SUMF1: variants seen among roughly 807,000 people sequenced by gnomAD.
The protein encoded by SUMF1 is sulfatase modifying factor 1.
A neutral mutation model predicts 47.6 loss-of-function variants in SUMF1; 48 were observed. The observed-to-expected ratio is 1.01, with a 90% CI of 0.80 to 1.28. SUMF1 has a LOEUF of 1.28. Ranked by LOEUF, SUMF1 falls within the 50% of genes most tolerant of loss-of-function variation. SUMF1 has a pLI of 0.00. For missense variants in SUMF1, 571 were observed against 485.4 expected (o/e 1.18, Z -1.66); for synonymous variants, 230 against 192.1 (o/e 1.20, Z -1.63).
At chr3:4,182,680 T>A (rs1048664484) in intron 8 of SUMF1, among the ~76,000 whole-genome samples, 1 of 152,070 alleles carries the variant, frequency 6.6e-6, no homozygotes, top group East Asian at 1.9e-4. Context: ...ATAATGCAAA[T>A]TTCAGGCATG....
chr3:4,115,837 A>C (rs779996495), intron 8 of SUMF1, among the ~76,000 whole-genome samples: 29 of 152,182 alleles, frequency 1.9e-4, no homozygotes, highest in Non-Finnish European at 3.2e-4. Context: ...AAAACATAAA[A>C]AATCTATTTT....
intron 8 of SUMF1, among the ~76,000 whole-genome samples, chr3:4,131,145 C>T (rs1056387943): frequency 6.6e-6 from 1 of 152,130 alleles, no homozygotes; most frequent in Non-Finnish European, 1.5e-5. Flanking sequence ...ACCTGAACTG[C>T]CTATCATGAA....
intron 9 of SUMF1, among the ~76,000 whole-genome samples, chr3:4,050,675 G>A (rs1165987554): frequency 1.1e-4 from 16 of 149,522 alleles, no homozygotes; most frequent in Non-Finnish European, 2.1e-4. Context: ...CCTGGGAGGT[G>A]GAGGCTGCAG....
At chr3:4,346,273 T>G (rs1171555511) in intron 8 of SUMF1, among the ~76,000 whole-genome samples, 5 of 152,098 alleles carry the variant, frequency 3.3e-5, no homozygotes, top group Non-Finnish European at 5.9e-5. Context: ...GCCACATAAT[T>G]GGAAGTAAAA....
rs563402982 is a variant in SUMF1, at chr3:4,308,664, C to G, written c.1014+67666G>C. 6.6e-5 allele frequency among the ~76,000 whole-genome samples: 10 copies of G among 152,314 alleles called. No homozygotes were observed. The East Asian group carries it at 9.6e-4, about 15-fold the overall frequency. On this transcript the variant is annotated intron_variant and NMD_transcript_variant, in intron 8 of 12. Coordinates refer to the SUMF1 transcript ENST00000448413. ...AAGAGCCTGGCTGTGGTTTGTGTCT[C>G]CTTTAGAGCATTCCATGTTCTGCAC...
At chr3:4,239,080 G>C (rs1219944600) in intron 8 of SUMF1, among the ~76,000 whole-genome samples, 2 of 152,092 alleles carry the variant, frequency 1.3e-5, no homozygotes, top group Non-Finnish European at 2.9e-5. Context: ...AGATCAGATG[G>C]TTGTAGATGT....
chr3:4,204,499 G>T (rs958160800), intron 8 of SUMF1, among the ~76,000 whole-genome samples: 1 of 151,986 alleles, frequency 6.6e-6, no homozygotes, highest in East Asian at 1.9e-4. Context: ...TAACCTTCTT[G>T]TGCTTGAATA....
intron 8 of SUMF1, among the ~76,000 whole-genome samples, chr3:4,325,416 C>T (rs1698921252): frequency 6.6e-6 from 1 of 151,676 alleles, no homozygotes; most frequent in African/African-American, 2.4e-5. Context: ...AGAAAAGGGA[C>T]CAAGGACAAA....
chr3:4,460,864 A>C (rs962706066), intron 1 of SUMF1, among the ~76,000 whole-genome samples: 1 of 151,726 alleles, frequency 6.6e-6, no homozygotes, highest in African/African-American at 2.4e-5. Flanking sequence ...TATGTTGCCC[A>C]GGCTAGTCTC....
chr3:4,257,844 C>G (rs1696990474), intron 8 of SUMF1, among the ~76,000 whole-genome samples: 1 of 151,486 alleles, frequency 6.6e-6, no homozygotes, highest in Non-Finnish European at 1.5e-5. Context: ...AAGCATCACG[C>G]TACCTGACTT....
chr3:4,095,117 T>G (rs1157178116), intron 8 of SUMF1, among the ~76,000 whole-genome samples: 1 of 152,094 alleles, frequency 6.6e-6, no homozygotes, highest in Non-Finnish European at 1.5e-5. Context: ...ACAGGATAGA[T>G]CTCTCTAAAT....
At chr3:4,138,888 T>C (rs1251000619) in intron 8 of SUMF1, among the ~76,000 whole-genome samples, 1 of 152,052 alleles carries the variant, frequency 6.6e-6, no homozygotes, top group African/African-American at 2.4e-5. Flanking sequence ...TGATGCGATG[T>C]TCTTGAGGCT....
downstream of SUMF1, among the ~76,000 whole-genome samples, chr3:4,359,471 T>TG (rs1291075583): frequency 6.6e-6 from 1 of 152,194 alleles, no homozygotes; most frequent in Non-Finnish European, 1.5e-5. Context: ...TTTGTAAAGA[T>TG]GGGGTCTCGC....
At chr3:4,166,862 C>T (rs1330082736) in intron 8 of SUMF1, among the ~76,000 whole-genome samples, 1 of 152,142 alleles carries the variant, frequency 6.6e-6, no homozygotes, top group Non-Finnish European at 1.5e-5. Context: ...CAAACCAATG[C>T]TTCCAACTCT....
intron 8 of SUMF1, among the ~76,000 whole-genome samples, chr3:4,121,759 T>A (rs1302043412): frequency 6.6e-6 from 1 of 151,886 alleles, no homozygotes; most frequent in Non-Finnish European, 1.5e-5. Context: ...ATGTGCAGGT[T>A]TTCTATATAG....
chr3:4,164,154 G>A (rs1335237155), intron 8 of SUMF1, among the ~76,000 whole-genome samples: 3 of 152,166 alleles, frequency 2.0e-5, no homozygotes, highest in Non-Finnish European at 4.4e-5. Context: ...AGAAAGGCAT[G>A]TGAAAAGACC....
In SUMF1 at chr3:4,205,187, T is replaced by A. The variant is rs150246426; in HGVS notation, c.1015-136442A>T. ...CCTAACTGATCAATGTACTTTGCAA[T>A]CTTCCCCAACCCTTAAGAAGGTTCT... is the stretch of plus-strand genomic sequence containing the variant. On this transcript the variant is annotated intron_variant and NMD_transcript_variant, in intron 8 of 12. Coordinates refer to the SUMF1 transcript ENST00000448413. 6.4e-4 allele frequency among the ~76,000 whole-genome samples: 97 copies of A among 152,276 alleles called. 2 individuals carry two copies. In the East Asian group the frequency reaches 0.018, roughly 28 times the overall value.
At chr3:4,466,937 G>C in intron 1 of SUMF1, 39 bp downstream of exon 1, 2 of 1,599,694 alleles carry the variant, frequency 1.3e-6, no homozygotes, top group Non-Finnish European at 1.7e-6. Context: ...TCCAGGAACC[G>C]AGCAGCCCCC....
intron 8 of SUMF1, among the ~76,000 whole-genome samples, chr3:4,172,778 A>G (rs1053840334): frequency 2.0e-5 from 3 of 152,114 alleles, no homozygotes; most frequent in Non-Finnish European, 4.4e-5. Context: ...TCAGATTGAT[A>G]GATTTCAAAA....
Sources: gnomAD v4.1 joint callset for allele counts (sites outside exome capture counted in the v4.1 genomes callset) on GRCh38, gnomAD v4.1.1 for gene constraint, MANE v1.5 for transcripts, NCBI Gene and HGNC (gene_info 2026-07-23, HGNC 2026-07-21) for gene names.